The following NLRP6 variants were observed in gnomAD, a reference collection of about 807,000 sequenced individuals.
The protein encoded by NLRP6 is NLR family pyrin domain containing 6.
A neutral mutation model predicts 70.9 loss-of-function variants in NLRP6; 55 were observed. That is an observed-to-expected ratio of 0.78 (90% CI 0.62 to 0.97). The LOEUF (loss-of-function observed/expected upper bound fraction) is 0.97, where lower values mean the gene tolerates loss of function less well. Among genes scored for constraint, NLRP6 ranks in the 50% least tolerant of loss-of-function variants. NLRP6 has a pLI of 0.00. For synonymous variants in NLRP6, 652 were observed against 581.9 expected (o/e 1.12, Z -1.73); for missense variants, 1,241 against 1,238.3 (o/e 1.00, Z -0.03).
At chr11:284,430 A>T (rs972618663) in intron 6 of NLRP6, 30 bp downstream of exon 6, 6 of 1,601,406 alleles carry the variant, frequency 3.7e-6, no homozygotes, top group Non-Finnish European at 5.1e-6. Flanking sequence ...GGACCGTGGG[A>T]TGCCCCCGCC....
Position 280,881 on chromosome 11 carries a change from G to C in NLRP6, c.1147G>C (p.Ala383Pro). 6.2e-7 allele frequency: 1 copy of C among 1,613,424 alleles called. No homozygotes were observed. The highest frequency in any genetic ancestry group is 8.5e-7 in the Non-Finnish European group (1 of 1,179,956). Residue 383 changes from alanine to proline, a missense_variant, in exon 4 of 8, where the codon GCG (alanine) becomes CCG (proline). Ala to Pro is a conservative substitution (Grantham distance 27). Transcript: ENST00000534750. Reference sequence around the variant, plus strand: ...CGTGAAGGAGAACGAGACGCTGTTCGCGCTGTGCTTCGTGCCCTTCGTGTG... The same window carrying C: ...CGTGAAGGAGAACGAGACGCTGTTCCCGCTGTGCTTCGTGCCCTTCGTGTG... The part of the protein sequence containing the change: ...RFVKENETLF[A>P]LCFVPFVCWI...
In NLRP6 at chr11:279,573, C is replaced by T. The variant is rs1165605858; in HGVS notation, c.276C>T (p.Asp92=). The change falls in exon 2 of 8, where the codon GAC becomes GAT. Residue 92 remains aspartate (D), a synonymous_variant. Coordinates refer to ENST00000534750, the MANE Select transcript of NLRP6 (RefSeq NM_001276700.2). ...CCCTCAAGAGGGCGGACGCGCGCGA[C>T]GTGGCGGCGCAGCTCCAGGAGCGGC... is the stretch of plus-strand genomic sequence containing the variant. ...RKTLKRADAR[D]VAAQLQERRL... 4.9e-6 allele frequency: 7 copies of T among 1,420,438 alleles called. No homozygotes were observed. The highest frequency in any genetic ancestry group is 6.4e-6 in the Non-Finnish European group (7 of 1,091,520). The allele number at this position is 1,420,438 out of a possible 1,614,324, so 88.0% of individuals were successfully genotyped here.
Position 281,090 on chromosome 11 carries a change from C to A in NLRP6, c.1356C>A (p.Gly452=). 6.2e-7 allele frequency: 1 copy of A among 1,612,598 alleles called. No homozygotes were observed. The highest frequency in any genetic ancestry group is 8.5e-7 in the Non-Finnish European group (1 of 1,179,674). ...LRNLCRLARE[G]VLGRRAQFAE... ...ATCTGTGCCGCCTGGCCCGCGAGGG[C>A]GTCCTCGGACGCAGGGCGCAGTTTG... Residue 452 remains glycine (G), a synonymous_variant, in exon 4 of 8, where the codon GGC becomes GGA. Coordinates refer to ENST00000534750, the MANE Select transcript of NLRP6 (RefSeq NM_001276700.2).
At position 278,815 on chromosome 11, in the gene NLRP6, C is replaced by T. The variant is rs757113597; in HGVS notation, c.29+217C>T. The stretch of plus-strand genomic sequence containing the variant: ...CTCAGATTCAGGCCCTGGTGCAAGG[C>T]CCCAAGCTGGGCCCCACCAAAGTGT... On this transcript the variant is annotated intron_variant, in intron 1 of 7. Transcript: ENST00000534750. This position sits in a 1 kb window ranked among gnomAD's most constrained non-coding sequence, Gnocchi z 4.7. Among the ~76,000 whole-genome samples the T allele has an allele frequency of 1.3e-5, 2 of 152,204 alleles. No individual in the cohort carries two copies. Among genetic ancestry groups the T allele is most frequent in the Non-Finnish European group, 1.5e-5 (1 of 68,032 alleles).
Position 282,802 on chromosome 11 carries a change from G to A in NLRP6, c.2198+5G>A. On this transcript the variant is annotated splice_donor_5th_base_variant and intron_variant, in intron 5 of 7. Transcript: ENST00000534750. ...GTGCCATCTGAGCAGCCTCACGTGAGTGGCCACACCCCCAGCTCTTCCCAC... is the reference window on the plus strand; with the variant it reads ...GTGCCATCTGAGCAGCCTCACGTGAATGGCCACACCCCCAGCTCTTCCCAC... 2.5e-6 allele frequency: 4 copies of A among 1,600,832 alleles called. No individual in the cohort carries two copies. Among genetic ancestry groups the A allele is most frequent in the Non-Finnish European group, 3.4e-6 (4 of 1,168,006 alleles).
At position 281,819 on chromosome 11, in the gene NLRP6, G is replaced by A. The variant is rs749697750; in HGVS notation, c.2085G>A (p.Gln695=). 1 of 1,583,538 alleles carries A rather than the reference G, an allele frequency of 6.3e-7. No individual in the cohort carries two copies. The highest frequency in any genetic ancestry group is 8.6e-7 in the Non-Finnish European group (1 of 1,168,932). The change falls in exon 4 of 8, where the codon CAG becomes CAA. Residue 695 remains glutamine, a synonymous_variant. Coordinates refer to ENST00000534750, the MANE Select transcript of NLRP6 (RefSeq NM_001276700.2). ...AGAAGAGCCTGGGGAAGCGGCTCCA[G>A]GCCAGCCTGGGTGGCGGCAGGTGCG... ...KKKKSLGKRL[Q]ASLGGGSSQG...
At chr11:282,144 G>A (rs932158459) in intron 4 of NLRP6, among the ~76,000 whole-genome samples, 1 of 152,060 alleles carries the variant, frequency 6.6e-6, no homozygotes, top group Admixed American at 6.6e-5. Context: ...TGGAACACAC[G>A]ATGCCCTCTG....
At chr11:283,604 C>T (rs547271120) in intron 5 of NLRP6, among the ~76,000 whole-genome samples, 33 of 152,206 alleles carry the variant, frequency 2.2e-4, no homozygotes, top group South Asian at 6.2e-4. Context: ...TGAGCCACCG[C>T]GCCCGGCCAC....
In NLRP6 at chr11:279,820, A is replaced by G; in HGVS notation, c.311-14A>G. On this transcript the variant is annotated splice_polypyrimidine_tract_variant and intron_variant, in intron 2 of 7. Transcript: ENST00000534750. ...CCCGCCCTCGGCGGAACCTCACCCCAGTTTCCCTTCCAGGGCTCGGGCTCG... is the reference window on the plus strand; with the variant it reads ...CCCGCCCTCGGCGGAACCTCACCCCGGTTTCCCTTCCAGGGCTCGGGCTCG... 6.3e-7 allele frequency: 1 copy of G among 1,584,168 alleles called. No homozygotes were observed. The highest frequency in any genetic ancestry group is 8.6e-7 in the Non-Finnish European group (1 of 1,168,224).
chr11:281,904 A>G (rs1845486540), intron 4 of NLRP6, 65 bp downstream of exon 4: 3 of 1,435,430 alleles, frequency 2.1e-6, no homozygotes, highest in African/African-American at 1.4e-5. Context: ...AAACCTGTGC[A>G]CCTCAGTGTC....
intron 4 of NLRP6, 143 bp downstream of exon 4, chr11:281,982 C>G: frequency 1.5e-6 from 1 of 678,028 alleles, no homozygotes; most frequent in Non-Finnish European, 2.4e-6. Context: ...TGACCACCTC[C>G]TTGCAAGGCA....
rs916594484 is a variant in NLRP6, at chr11:278,789, G to T, written c.29+191G>T. Among the ~76,000 whole-genome samples the T allele has an allele frequency of 2.0e-5, 3 of 152,216 alleles. No homozygotes were observed. The highest frequency in any genetic ancestry group is 2.0e-4 in the Admixed American group (3 of 15,290). On this transcript the variant is annotated intron_variant, in intron 1 of 7. Coordinates refer to ENST00000534750, the MANE Select transcript of NLRP6 (RefSeq NM_001276700.2). This position sits in a 1 kb window ranked among gnomAD's most constrained non-coding sequence, Gnocchi z 4.7. ...TTGTGGAGTCTGTTCCCCACCAGGG[G>T]CTCAGATTCAGGCCCTGGTGCAAGG...
At chr11:283,504 A>G (rs533809258) in intron 5 of NLRP6, among the ~76,000 whole-genome samples, 13 of 152,040 alleles carry the variant, frequency 8.6e-5, no homozygotes, top group African/African-American at 2.2e-4. Context: ...TAGTAGAGAC[A>G]GGGTTTCACC....
Position 284,364 on chromosome 11 carries a change from G to A in NLRP6, c.2333G>A (p.Gly778Asp). 6.2e-7 allele frequency: 1 copy of A among 1,603,712 alleles called. No individual in the cohort carries two copies. The highest frequency in any genetic ancestry group is 8.5e-7 in the Non-Finnish European group (1 of 1,174,130). The change falls in exon 6 of 8, where the codon GGC becomes GAC. Residue 778 changes from glycine (G) to aspartate (D), a missense_variant. Physicochemically the swap from Gly to Asp is moderately conservative, Grantham distance 94. Coordinates refer to ENST00000534750, the MANE Select transcript of NLRP6 (RefSeq NM_001276700.2). Reference protein sequence around the residue: ...SEAGLRMLSEGLAWPQCRVQT... With the variant: ...SEAGLRMLSEDLAWPQCRVQT... ...GCGGGACTGCGTATGCTGAGTGAGG[G>A]CCTAGCCTGGCCGCAGTGCAGGGTG...
rs769481002 is a variant in NLRP6, at chr11:284,658, G to A, written c.2537+16G>A. ...AGACCCTCAGGTGGAGGCAGGGGTG[G>A]GAAGGGTGCTGGGGACACAGCCTGT... On this transcript the variant is annotated intron_variant, in intron 7 of 7. Transcript: ENST00000534750. 1.3e-5 allele frequency: 21 copies of A among 1,592,362 alleles called. No individual in the cohort carries two copies. Among genetic ancestry groups the A allele is most frequent in the Non-Finnish European group, 1.7e-5 (20 of 1,173,602 alleles).
rs142145584 is a variant in NLRP6 at position 281,652 on chromosome 11, C to G, written c.1918C>G (p.Arg640Gly). Reference sequence around the variant, plus strand: ...CGCGTTTGTGCGCCAAGCCCTGTGCCGGTTCCCGGAGCTGGCGCTGCAGCG... The same window carrying G: ...CGCGTTTGTGCGCCAAGCCCTGTGCGGGTTCCCGGAGCTGGCGCTGCAGCG... ...EDAFVRQALC[R>G]FPELALQRVR... Residue 640 changes from arginine (R) to glycine (G), a missense_variant, in exon 4 of 8, where the codon CGG becomes GGG. Physicochemically the swap from Arg to Gly is moderately radical, Grantham distance 125. Transcript: ENST00000534750. The G allele has an allele frequency of 1.5e-5, 25 of 1,613,282 alleles. No individual in the cohort carries two copies. Among genetic ancestry groups the G allele is most frequent in the South Asian group, 5.5e-5 (5 of 91,050 alleles).
At chr11:284,770 C>T (rs1845535111) in intron 7 of NLRP6, 128 bp downstream of exon 7, 2 of 886,830 alleles carry the variant, frequency 2.3e-6, no homozygotes, top group Non-Finnish European at 3.4e-6. Context: ...TGACTGAGCT[C>T]AAACACTGAC....
At chr11:283,584 A>G (rs1402075771) in intron 5 of NLRP6, among the ~76,000 whole-genome samples, 1 of 152,132 alleles carries the variant, frequency 6.6e-6, no homozygotes, top group African/African-American at 2.4e-5. Context: ...AAGTGCTGGG[A>G]TCACAGGCAT....
chr11:285,135 G>C, intron 7 of NLRP6, 31 bp from the exon 8 acceptor site: 4 of 1,562,068 alleles, frequency 2.6e-6, no homozygotes, highest in Non-Finnish European at 3.5e-6. Flanking sequence ...CCCCACCGCT[G>C]ACCCCGCTTC....
Sources: allele counts gnomAD v4.1 joint callset (sites outside exome capture counted in the v4.1 genomes callset), GRCh38; gene constraint gnomAD v4.1.1; non-coding constraint Gnocchi (gnomAD v3.1); transcripts MANE v1.5; gene names NCBI Gene and HGNC (gene_info 2026-07-23, HGNC 2026-07-21).